CACNA1E: variants seen among roughly 807,000 people sequenced by gnomAD.
The protein encoded by CACNA1E is calcium voltage-gated channel subunit alpha1 E.
Under a neutral mutation model 259.2 loss-of-function variants are expected in CACNA1E, and 40 were observed. The ratio of observed to expected loss-of-function variants is 0.15; its 90% confidence interval spans 0.12 to 0.20. CACNA1E has a LOEUF of 0.20. Ranked by LOEUF, CACNA1E falls within the 10% of genes least tolerant of loss-of-function variation. The pLI is 1.00. For synonymous variants in CACNA1E, 1,104 were observed against 1,138.5 expected (o/e 0.97, Z 0.61); for missense variants, 1,874 against 3,040.1 (o/e 0.62, Z 9.02).
intron 2 of CACNA1E, among the ~76,000 whole-genome samples, chr1:181,449,269 C>T (rs1414628577): frequency 2.0e-5 from 3 of 152,180 alleles, no homozygotes. Context: ...AGATACATGC[C>T]GTTCCATCCC....
At chr1:181,567,130 T>A (rs1649918098) in intron 3 of CACNA1E, among the ~76,000 whole-genome samples, 1 of 152,210 alleles carries the variant, frequency 6.6e-6, no homozygotes, top group Admixed American at 6.5e-5. Context: ...ATTTTTATTC[T>A]CATCAAAAGG....
chr1:181,797,999 T>C (rs1661959340), intron 47 of CACNA1E, among the ~76,000 whole-genome samples: 1 of 152,144 alleles, frequency 6.6e-6, no homozygotes, highest in South Asian at 2.1e-4. Context: ...CCTGGAAGCT[T>C]GTTAGAAATG....
intron 7 of CACNA1E, among the ~76,000 whole-genome samples, chr1:181,703,468 C>CT (rs1207535319): frequency 6.6e-6 from 1 of 152,210 alleles, no homozygotes; most frequent in African/African-American, 2.4e-5. Flanking sequence ...CTTTAACATT[C>CT]TGGATTCCAC....
At chr1:181,493,365 C>T (rs1279785608) in intron 1 of CACNA1E, among the ~76,000 whole-genome samples, 4 of 152,166 alleles carry the variant, frequency 2.6e-5, no homozygotes, top group Admixed American at 2.6e-4. Context: ...TATGAAAGAA[C>T]ACAAACATTC....
chr1:181,558,770 A>C (rs1186039903), intron 3 of CACNA1E, among the ~76,000 whole-genome samples: 1 of 152,128 alleles, frequency 6.6e-6, no homozygotes, highest in African/African-American at 2.4e-5. Flanking sequence ...TAGAAAGATC[A>C]CTCTAGTAAT....
intron 1 of CACNA1E, among the ~76,000 whole-genome samples, chr1:181,373,303 A>C (rs1042532677): frequency 6.6e-6 from 1 of 151,948 alleles, no homozygotes; most frequent in Non-Finnish European, 1.5e-5. Flanking sequence ...TTACTGATTT[A>C]ATCTTGGAAC....
intron 7 of CACNA1E, among the ~76,000 whole-genome samples, chr1:181,696,370 CT>C (rs1434229271): frequency 6.6e-6 from 1 of 152,128 alleles, no homozygotes; most frequent in Non-Finnish European, 1.5e-5. Flanking sequence ...GAAGTCAGTT[CT>C]TTGACTTTTC....
At chr1:181,685,782 A>G (rs1039814040) in intron 7 of CACNA1E, among the ~76,000 whole-genome samples, 2 of 151,944 alleles carry the variant, frequency 1.3e-5, no homozygotes, top group African/African-American at 4.8e-5. Context: ...CCTATATCTC[A>G]TAGTTTTATT....
At chr1:181,693,931 A>G (rs549450610) in intron 7 of CACNA1E, among the ~76,000 whole-genome samples, 1 of 152,316 alleles carries the variant, frequency 6.6e-6, no homozygotes. Flanking sequence ...TTACCAGTCA[A>G]TTCTACCAAA....
chr1:181,502,594 C>T (rs1308957205), intron 1 of CACNA1E, among the ~76,000 whole-genome samples: 1 of 152,242 alleles, frequency 6.6e-6, no homozygotes, highest in Non-Finnish European at 1.5e-5. Context: ...CTTTTTACCT[C>T]ATACTGACTT....
rs918387698 is a variant in CACNA1E at position 181,771,622 on chromosome 1, C to A, written c.4973+238C>A. Reference sequence around the variant, plus strand: ...ATCTTGTCTGATCTTGGAAGCTAAGCAGGGTTGGGTCTGCTAAATACTTGG... The same window carrying A: ...ATCTTGTCTGATCTTGGAAGCTAAGAAGGGTTGGGTCTGCTAAATACTTGG... On this transcript the variant is annotated intron_variant, in intron 36 of 47. Coordinates refer to ENST00000367573, the MANE Select transcript of CACNA1E (RefSeq NM_001205293.3). The A allele has an allele frequency of 3.1e-5, 16 of 522,892 alleles. No homozygotes were observed. The Admixed American group carries it at 3.7e-4, about 12-fold the overall frequency. 32.4% of individuals were successfully genotyped at this position (522,892 alleles called of 1,614,324 possible).
intron 6 of CACNA1E, among the ~76,000 whole-genome samples, chr1:181,606,482 C>T (rs907777137): frequency 6.6e-6 from 1 of 152,200 alleles, no homozygotes; most frequent in African/African-American, 2.4e-5. Context: ...ATTACATCTA[C>T]CCTGACCTGG....
At chr1:181,637,364 C>T (rs1181788129) in intron 6 of CACNA1E, among the ~76,000 whole-genome samples, 1 of 152,042 alleles carries the variant, frequency 6.6e-6, no homozygotes. Context: ...ACACAAAACC[C>T]TAGGCACTTA....
At chr1:181,340,582 G>T (rs932546117) in intron 1 of CACNA1E, among the ~76,000 whole-genome samples, 1 of 151,866 alleles carries the variant, frequency 6.6e-6, no homozygotes, top group Admixed American at 6.6e-5. Context: ...TTCTTCTTTT[G>T]TGTCTTTAAA....
At chr1:181,576,628 A>G (rs548767744) in intron 3 of CACNA1E, among the ~76,000 whole-genome samples, 56 of 152,334 alleles carry the variant, frequency 3.7e-4, no homozygotes, top group African/African-American at 1.3e-3. Context: ...CCCTTTGACT[A>G]TAGAGGAACC....
chr1:181,730,695 T>G (rs1393274557), intron 18 of CACNA1E, among the ~76,000 whole-genome samples: 1 of 152,230 alleles, frequency 6.6e-6, no homozygotes, highest in African/African-American at 2.4e-5. Flanking sequence ...CTTGCTCCGC[T>G]GCATGTTTTG....
At chr1:181,450,143 C>A (rs990960154) in intron 2 of CACNA1E, among the ~76,000 whole-genome samples, 1 of 152,092 alleles carries the variant, frequency 6.6e-6, no homozygotes, top group Non-Finnish European at 1.5e-5. Flanking sequence ...GGGGGAAGGG[C>A]TACACACTTT....
chr1:181,666,355 AAAC>A (rs910209847), intron 7 of CACNA1E, among the ~76,000 whole-genome samples: 3 of 152,168 alleles, frequency 2.0e-5, no homozygotes, highest in Non-Finnish European at 4.4e-5. Flanking sequence ...GCAGGGAACA[AAAC>A]AAAAATCCCT....
In CACNA1E at chr1:181,805,659, G is replaced by C. The variant is rs921234531; in HGVS notation, c.*6825G>C. On this transcript the variant is annotated 3_prime_UTR_variant, in exon 48 of 48. Transcript: ENST00000367573. ...GTGTTTTTCTATCATGTTGTTTTGTGAACAAGTCAAAATTTATACAAAGCT... is the reference window on the plus strand; with the variant it reads ...GTGTTTTTCTATCATGTTGTTTTGTCAACAAGTCAAAATTTATACAAAGCT... 3.9e-5 allele frequency: 6 copies of C among 152,148 alleles called. No homozygotes were observed. The highest frequency in any genetic ancestry group is 3.3e-4 in the Admixed American group (5 of 15,272). 9.4% of individuals were successfully genotyped at this position (152,148 alleles called of 1,614,324 possible). A position where few individuals can be genotyped will look rare whatever the true frequency, so the allele number is the denominator to read the frequency against.
Sources: gnomAD v4.1 joint callset for allele counts (sites outside exome capture counted in the v4.1 genomes callset) on GRCh38, gnomAD v4.1.1 for gene constraint, MANE v1.5 for transcripts, NCBI Gene and HGNC (gene_info 2026-07-23, HGNC 2026-07-21) for gene names.